The following COG5 variants were observed in gnomAD, a reference collection of about 807,000 sequenced individuals.
COG5 encodes the protein conserved oligomeric Golgi complex subunit 5.
Under a neutral mutation model 110.4 loss-of-function variants are expected in COG5, and 86 were observed. The observed-to-expected ratio is 0.78, with a 90% CI of 0.65 to 0.93. COG5 has a LOEUF of 0.93. COG5 is among the 40% of genes least tolerant of loss of function. The pLI is 0.00. For synonymous variants in COG5, 360 were observed against 334.6 expected (o/e 1.08, Z -0.83); for missense variants, 1,077 against 987.0 (o/e 1.09, Z -1.22).
At chr7:107,350,258 G>A (rs1812017357) in intron 10 of COG5, among the ~76,000 whole-genome samples, 1 of 151,968 alleles carries the variant, frequency 6.6e-6, no homozygotes, top group Non-Finnish European at 1.5e-5. Flanking sequence ...TAGTCTTTAT[G>A]AGGCATTCTG....
At chr7:107,395,709 C>T (rs1183352061) in intron 7 of COG5, among the ~76,000 whole-genome samples, 3 of 151,910 alleles carry the variant, frequency 2.0e-5, no homozygotes, top group African/African-American at 4.8e-5. Flanking sequence ...CATGTGCCAC[C>T]ACGCCTGGCT....
In COG5 at chr7:107,329,917, T is replaced by C. The variant is rs928620431; in HGVS notation, c.1027-5396A>G. Among the ~76,000 whole-genome samples the C allele has an allele frequency of 3.9e-4, 60 of 152,112 alleles. 1 individual carries two copies. Among genetic ancestry groups the C allele is most frequent in the African/African-American group, 1.4e-3 (57 of 41,398 alleles). ...CTTTAAGAAAACAAAAACAAAATTTTATTGTCAAAACTACATCACATAAAT... is the reference window on the plus strand; with the variant it reads ...CTTTAAGAAAACAAAAACAAAATTTCATTGTCAAAACTACATCACATAAAT... On this transcript the variant is annotated intron_variant, in intron 10 of 21. Coordinates refer to ENST00000297135, the MANE Select transcript of COG5 (RefSeq NM_006348.5).
intron 19 of COG5, among the ~76,000 whole-genome samples, chr7:107,225,078 G>A (rs541253333): frequency 5.9e-5 from 9 of 152,218 alleles, no homozygotes; most frequent in Middle Eastern, 6.8e-3. Context: ...GTACATGCTG[G>A]GTGTGGTCTG....
At chr7:107,498,817 T>A (rs1270340379) in intron 6 of COG5, among the ~76,000 whole-genome samples, 1 of 152,132 alleles carries the variant, frequency 6.6e-6, no homozygotes, top group Non-Finnish European at 1.5e-5. Flanking sequence ...ATAACTGAAA[T>A]AGGATCTTGA....
intron 6 of COG5, among the ~76,000 whole-genome samples, chr7:107,463,633 T>C (rs935784448): frequency 2.6e-5 from 4 of 152,204 alleles, no homozygotes; most frequent in African/African-American, 9.6e-5. Context: ...CTTTTTAAAA[T>C]TTGAGTGTTT....
Position 107,272,340 on chromosome 7 carries a change from G to A in COG5, c.1575+8960C>T, listed in dbSNP as rs190047427. 2.0e-3 allele frequency among the ~76,000 whole-genome samples: 310 copies of A among 152,186 alleles called. 2 individuals carry two copies. The highest frequency in any genetic ancestry group is 7.0e-3 in the African/African-American group (290 of 41,522). On this transcript the variant is annotated intron_variant, in intron 14 of 21. Transcript: ENST00000297135. Reference sequence around the variant, plus strand: ...CCTGTGATCTGGAAGCCCCCTCCCCGCTTTGAGTTGTCCCACCTTTCCGGA... The same window carrying A: ...CCTGTGATCTGGAAGCCCCCTCCCCACTTTGAGTTGTCCCACCTTTCCGGA...
At chr7:107,445,258 C>T (rs941021459) in intron 6 of COG5, among the ~76,000 whole-genome samples, 2 of 152,168 alleles carry the variant, frequency 1.3e-5, no homozygotes, top group African/African-American at 4.8e-5. Flanking sequence ...CAAAAACACA[C>T]TCTTCCTAGG....
At chr7:107,222,587 A>G (rs1039538952) in intron 19 of COG5, among the ~76,000 whole-genome samples, 7 of 152,214 alleles carry the variant, frequency 4.6e-5, no homozygotes, top group Non-Finnish European at 1.5e-5. Flanking sequence ...TCACTGTCAT[A>G]ATTACCTGTA....
At chr7:107,314,948 A>C (rs1334427814) in intron 11 of COG5, among the ~76,000 whole-genome samples, 1 of 152,120 alleles carries the variant, frequency 6.6e-6, no homozygotes, top group Non-Finnish European at 1.5e-5. Flanking sequence ...ACAAATTGCA[A>C]GTTTTCTTTT....
At position 107,259,641 on chromosome 7, in the gene COG5, T is replaced by C. The variant is rs1803168381; in HGVS notation, c.1576-1258A>G. On this transcript the variant is annotated intron_variant, in intron 14 of 21. Coordinates refer to ENST00000297135, the MANE Select transcript of COG5 (RefSeq NM_006348.5). The stretch of plus-strand genomic sequence containing the variant: ...TCTGACTATAATGGGCATTTAAAAG[T>C]TACAAGCTCTAGCTGTACAATTTAA... Among the ~76,000 whole-genome samples the C allele has an allele frequency of 2.0e-5, 3 of 152,268 alleles. No individual in the cohort carries two copies. In the South Asian group the frequency reaches 6.2e-4, roughly 32 times the overall value.
chr7:107,484,824 G>A (rs745585384), intron 6 of COG5, among the ~76,000 whole-genome samples: 18 of 152,112 alleles, frequency 1.2e-4, no homozygotes, highest in Non-Finnish European at 2.4e-4. Flanking sequence ...TGCAACTCTG[G>A]TTTAATCCAG....
At chr7:107,464,116 C>A (rs1268657677) in intron 6 of COG5, among the ~76,000 whole-genome samples, 1 of 152,084 alleles carries the variant, frequency 6.6e-6, no homozygotes, top group Non-Finnish European at 1.5e-5. Context: ...AATGGGAGTC[C>A]ACAAAGTAAA....
intron 11 of COG5, among the ~76,000 whole-genome samples, chr7:107,298,909 T>C (rs1048884287): frequency 6.6e-6 from 1 of 152,088 alleles, no homozygotes; most frequent in Non-Finnish European, 1.5e-5. Flanking sequence ...CTCAAATATT[T>C]GGAACTAGAA....
chr7:107,204,169 C>T (rs1192066509), intron 21 of COG5, among the ~76,000 whole-genome samples: 1 of 152,160 alleles, frequency 6.6e-6, no homozygotes, highest in Admixed American at 6.5e-5. Flanking sequence ...GATCGGGAAG[C>T]AGTCTGAATT....
At position 107,297,547 on chromosome 7, in the gene COG5, C is replaced by G. The variant is rs577722754; in HGVS notation, c.1313+595G>C. ...CACTGCTGCCTCCGTCTCCCGGGTT[C>G]AAGCGACTCTCCTGCCTCAGTCTCC... On this transcript the variant is annotated intron_variant, in intron 12 of 21. Transcript: ENST00000297135. Among the ~76,000 whole-genome samples the G allele has an allele frequency of 4.2e-5, 6 of 143,918 alleles. No homozygotes were observed. The South Asian group carries it at 1.1e-3, about 26-fold the overall frequency. 94.4% of individuals were successfully genotyped at this position (143,918 alleles called of 152,430 possible). A position where few individuals can be genotyped will look rare whatever the true frequency, so the allele number is the denominator to read the frequency against.
chr7:107,383,885 C>A lies in COG5; in HGVS notation c.670-11125G>T, dbSNP rs1050327877. The stretch of plus-strand genomic sequence containing the variant: ...CCCTTCAGATGCATCCTCCAAACTG[C>A]AAAGAATTTCTCAAACTCACTGGCT... On this transcript the variant is annotated intron_variant, in intron 7 of 21. Transcript: ENST00000297135. Among the ~76,000 whole-genome samples the A allele has an allele frequency of 1.1e-4, 17 of 152,164 alleles. 1 individual carries two copies.
intron 14 of COG5, among the ~76,000 whole-genome samples, chr7:107,270,881 A>ATTTTTT (rs1562943670): frequency 6.9e-5 from 7 of 101,694 alleles, no homozygotes; most frequent in Non-Finnish European, 1.1e-4. Flanking sequence ...CCTAACTAGA[A>ATTTTTT]CTTTTTTTTT....
intron 10 of COG5, among the ~76,000 whole-genome samples, chr7:107,353,704 T>A (rs1423135770): frequency 6.6e-6 from 1 of 152,160 alleles, no homozygotes; most frequent in East Asian, 1.9e-4. Context: ...TAAACTAAAA[T>A]GTCCCTAAGA....
At chr7:107,554,683 G>T (rs1476060422) in intron 2 of COG5, among the ~76,000 whole-genome samples, 1 of 152,126 alleles carries the variant, frequency 6.6e-6, no homozygotes, top group African/African-American at 2.4e-5. Flanking sequence ...CAAGGCATTG[G>T]CAAATTCAGC....
Sources: gnomAD v4.1 joint callset for allele counts (sites outside exome capture counted in the v4.1 genomes callset) on GRCh38, gnomAD v4.1.1 for gene constraint, MANE v1.5 for transcripts, NCBI Gene and HGNC (gene_info 2026-07-23, HGNC 2026-07-21) for gene names.